Variants in RGS7 observed in about 807,000 individuals in gnomAD.
RGS7 encodes the protein regulator of G-protein signaling 7.
RGS7 carries 27 observed loss-of-function variants against 81.1 expected under a neutral mutation model. That is an observed-to-expected ratio of 0.33 (90% confidence interval 0.25 to 0.46). The LOEUF (loss-of-function observed/expected upper bound fraction) is 0.46. RGS7 is among the 20% of genes least tolerant of loss of function. RGS7 has a pLI of 1.00. For missense variants in RGS7, 396 were observed against 607.4 expected (o/e 0.65, Z 3.66); for synonymous variants, 208 against 207.7 (o/e 1.00, Z -0.01).
At chr1:241,315,358 C>CTGA (rs2080811875) in intron 2 of RGS7, among the ~76,000 whole-genome samples, 2 of 151,882 alleles carry the variant, frequency 1.3e-5, no homozygotes, top group South Asian at 4.2e-4. Context: ...CAACAACTGT[C>CTGA]TGATATCTGA....
At chr1:241,265,131 CCT>C (rs970343335) in intron 2 of RGS7, among the ~76,000 whole-genome samples, 3 of 152,230 alleles carry the variant, frequency 2.0e-5, no homozygotes, top group African/African-American at 2.4e-5. Context: ...TCCCACATCC[CCT>C]GATTGTTCAC....
chr1:241,182,459 T>C (rs1159173375), intron 2 of RGS7, among the ~76,000 whole-genome samples: 1 of 152,116 alleles, frequency 6.6e-6, no homozygotes, highest in African/African-American at 2.4e-5. Flanking sequence ...GCTCCGTCAA[T>C]GTTAGTGTGG....
intron 3 of RGS7, among the ~76,000 whole-genome samples, chr1:241,064,276 T>A (rs113177968): frequency 0.029 from 4,417 of 151,382 alleles, 77 homozygotes; most frequent in Middle Eastern, 0.055. Context: ...TTGAAATCCC[T>A]GGAAGTACCT....
chr1:241,001,412 A>G (rs1164210244), intron 3 of RGS7, among the ~76,000 whole-genome samples: 3 of 152,228 alleles, frequency 2.0e-5, no homozygotes, highest in Non-Finnish European at 4.4e-5. Flanking sequence ...GATAGTAAGG[A>G]TAAATAGTAA....
chr1:241,184,778 A>C (rs1321413946), intron 2 of RGS7, among the ~76,000 whole-genome samples: 3 of 152,200 alleles, frequency 2.0e-5, no homozygotes, highest in African/African-American at 7.2e-5. Flanking sequence ...AAAACCCCGA[A>C]TTCAAAACAC....
intron 2 of RGS7, among the ~76,000 whole-genome samples, chr1:241,139,745 C>A (rs953024364): frequency 2.0e-5 from 3 of 152,172 alleles, no homozygotes; most frequent in Admixed American, 6.5e-5. Flanking sequence ...TCCCTAACAA[C>A]GACTGATGTT....
chr1:241,139,560 C>T lies in RGS7; in HGVS notation c.79-40798G>A, dbSNP rs185684802. Among the ~76,000 whole-genome samples, 29 of 152,306 alleles carry T rather than the reference C, an allele frequency of 1.9e-4. No homozygotes were observed. The East Asian group carries it at 5.2e-3, about 27-fold the overall frequency. The stretch of plus-strand genomic sequence containing the variant: ...GGATCAAATGGTCAACTTAGGTTGA[C>T]ATTTTTAAGAAACTGCCAAACCATT... On this transcript the variant is annotated intron_variant, in intron 2 of 18. Transcript: ENST00000440928.
intron 2 of RGS7, among the ~76,000 whole-genome samples, chr1:241,310,446 AGT>A (rs895556318): frequency 1.4e-3 from 162 of 111,926 alleles, no homozygotes; most frequent in African/African-American, 3.8e-3. Flanking sequence ...TGTGTGTGTG[AGT>A]GTGTGTGTGT....
intron 14 of RGS7, among the ~76,000 whole-genome samples, chr1:240,807,462 G>A (rs1689060644): frequency 6.6e-6 from 1 of 152,150 alleles, no homozygotes; most frequent in Non-Finnish European, 1.5e-5. Flanking sequence ...GTGATCAGCA[G>A]TACCTTCGTA....
intron 18 of RGS7, among the ~76,000 whole-genome samples, chr1:240,796,231 T>TA (rs1360814089): frequency 6.6e-6 from 1 of 152,260 alleles, no homozygotes; most frequent in Non-Finnish European, 1.5e-5. Flanking sequence ...TATTAACCAG[T>TA]AATTCCACAG....
intron 5 of RGS7, among the ~76,000 whole-genome samples, chr1:240,936,097 G>C (rs537835879): frequency 6.6e-6 from 1 of 152,300 alleles, no homozygotes; most frequent in East Asian, 1.9e-4. Flanking sequence ...CAGTTTGCAA[G>C]TTATCTGAGG....
chr1:241,098,794 T>C (rs772895481), intron 2 of RGS7, 32 bp from the exon 3 acceptor site: 3 of 1,529,400 alleles, frequency 2.0e-6, no homozygotes, highest in South Asian at 1.1e-5. Context: ...AAAACCTTTA[T>C]AAAGTTGAAC....
chr1:241,184,949 GGACATTCT>G lies in RGS7; in HGVS notation c.79-86195_79-86188del, dbSNP rs139456534. Reference sequence around the variant, plus strand: ...TGACTGAGGAAGTAACCTTTGAATTGGACATTCTTAAGCAGAATGAAGGCAAAAGAAAA... The same window carrying G: ...TGACTGAGGAAGTAACCTTTGAATTGTAAGCAGAATGAAGGCAAAAGAAAA... On this transcript the variant is annotated intron_variant, in intron 2 of 18. Transcript: ENST00000440928. Among the ~76,000 whole-genome samples the G allele has an allele frequency of 7.2e-4, 110 of 152,238 alleles. 1 individual carries two copies. The highest frequency in any genetic ancestry group is 2.6e-3 in the African/African-American group (106 of 41,552).
chr1:240,822,403 G>A (rs912158237), intron 10 of RGS7, among the ~76,000 whole-genome samples: 1 of 152,224 alleles, frequency 6.6e-6, no homozygotes, highest in Non-Finnish European at 1.5e-5. Context: ...GTACGAAAAT[G>A]AAGATGGTAC....
intron 10 of RGS7, among the ~76,000 whole-genome samples, chr1:240,826,320 G>A (rs372405641): frequency 6.6e-6 from 1 of 152,152 alleles, no homozygotes; most frequent in South Asian, 2.1e-4. Flanking sequence ...TGTTTCTAGG[G>A]ATGGGAGAAA....
rs373357799 is a variant in RGS7, at chr1:241,271,884, C to CGTGTGTGTGT, written c.78+83805_78+83814dup. 2.4e-4 allele frequency among the ~76,000 whole-genome samples: 34 copies of CGTGTGTGTGT among 140,476 alleles called. No individual in the cohort carries two copies. Among genetic ancestry groups the CGTGTGTGTGT allele is most frequent in the African/African-American group, 7.8e-4 (29 of 37,086 alleles). The allele number at this position is 140,476 out of a possible 152,430, so 92.2% of individuals were successfully genotyped here. A position where few individuals can be genotyped will look rare whatever the true frequency, so the allele number is the denominator to read the frequency against. On this transcript the variant is annotated intron_variant, in intron 2 of 18. Coordinates refer to ENST00000440928, the MANE Select transcript of RGS7 (RefSeq NM_001364886.1). This position sits in a 1 kb window ranked among gnomAD's most constrained non-coding sequence, Gnocchi z 4.6. ...AATCACACAAGCCAAATCTTTATAA[C>CGTGTGTGTGT]GTGTGTGTGTGTGTGTGTGTGTGTG... is the stretch of plus-strand genomic sequence containing the variant.
intron 2 of RGS7, among the ~76,000 whole-genome samples, chr1:241,226,526 T>C (rs1448216287): frequency 6.6e-6 from 1 of 152,158 alleles, no homozygotes; most frequent in Non-Finnish European, 1.5e-5. Flanking sequence ...GGCAGTGTAG[T>C]AGGAATGAGG....
intron 3 of RGS7, among the ~76,000 whole-genome samples, chr1:241,046,212 G>T (rs961028273): frequency 6.6e-6 from 1 of 151,970 alleles, no homozygotes; most frequent in African/African-American, 2.4e-5. Context: ...TGTTACGTGG[G>T]TATATTGCAT....
chr1:240,985,663 T>C (rs1034950949), intron 3 of RGS7, among the ~76,000 whole-genome samples: 1 of 152,096 alleles, frequency 6.6e-6, no homozygotes, highest in Non-Finnish European at 1.5e-5. Context: ...CGCCCCAGCA[T>C]ATTTATGGTT....
Sources: gnomAD v4.1 joint callset for allele counts (sites outside exome capture counted in the v4.1 genomes callset) on GRCh38, gnomAD v4.1.1 for gene constraint, Gnocchi (gnomAD v3.1) non-coding constraint, MANE v1.5 for transcripts, NCBI Gene and HGNC (gene_info 2026-07-23, HGNC 2026-07-21) for gene names.